Variants in WDR11 observed in about 807,000 individuals in gnomAD.
WDR11 encodes WD repeat-containing protein 11.
Under a neutral mutation model 151.2 loss-of-function variants are expected in WDR11, and 83 were observed. The ratio of observed to expected loss-of-function variants is 0.55; its 90% CI spans 0.46 to 0.66. The LOEUF is 0.66. Among genes scored for constraint, WDR11 ranks in the 30% least tolerant of loss-of-function variants. The probability of loss-of-function intolerance (pLI) is 0.00; values close to 1 mark genes in which losing one functional copy is unlikely to be tolerated. For synonymous variants in WDR11, 484 were observed against 533.1 expected (o/e 0.91, Z 1.27); for missense variants, 1,301 against 1,480.9 (o/e 0.88, Z 1.99).
chr10:120,865,501 T>G (rs1481815413), intron 6 of WDR11, 129 bp from the exon 7 acceptor site: 6 of 724,860 alleles, frequency 8.3e-6, no homozygotes, highest in Non-Finnish European at 1.4e-5. Flanking sequence ...GTACATTTAG[T>G]TTTAAAGTTT....
rs527529584 is a variant in WDR11, at chr10:120,856,603, C to T, written c.199-2040C>T. Among the ~76,000 whole-genome samples, 335 of 150,464 alleles carry T rather than the reference C, an allele frequency of 2.2e-3. 3 individuals are homozygous for T. The highest frequency in any genetic ancestry group is 7.6e-3 in the African/African-American group (312 of 40,992). ...AAAAAAAAAAAAAAAAAAATCCCTC[C>T]ACTATCTTCAAGCTTACATAGTTTC... On this transcript the variant is annotated intron_variant, in intron 2 of 28. Coordinates refer to ENST00000263461, the MANE Select transcript of WDR11 (RefSeq NM_018117.12).
At chr10:120,865,539 C>A in intron 6 of WDR11, 91 bp from the exon 7 acceptor site, 1 of 865,100 alleles carries the variant, frequency 1.2e-6, no homozygotes. Flanking sequence ...TTTTCTTTTG[C>A]CCATATTATC....
chr10:120,867,269 A>G (rs960031410), intron 9 of WDR11, 100 bp downstream of exon 9: 2 of 848,338 alleles, frequency 2.4e-6, no homozygotes, highest in Non-Finnish European at 2.0e-6. Flanking sequence ...CAAAAAAGTT[A>G]ATACTTGAGA....
intron 4 of WDR11, among the ~76,000 whole-genome samples, chr10:120,861,450 C>A (rs1180422202): frequency 6.6e-6 from 1 of 152,022 alleles, no homozygotes; most frequent in African/African-American, 2.4e-5. Context: ...GAGGGCTGGC[C>A]CAGTTGGCAG....
intron 17 of WDR11, chr10:120,889,578 T>C (rs890811708): frequency 1.2e-5 from 5 of 428,478 alleles, no homozygotes; most frequent in Non-Finnish European, 2.2e-5. Context: ...TAGAGGCTTG[T>C]GACTTGGCAA....
Position 120,867,191 on chromosome 10 carries a change from C to T in WDR11, c.1294+22C>T, listed in dbSNP as rs1846345497. ...ATTGGTAAGCTTTTTTCCCCTCTAACTCCATGTTAAGTATTCTTTCTGAAG... is the reference window on the plus strand; with the variant it reads ...ATTGGTAAGCTTTTTTCCCCTCTAATTCCATGTTAAGTATTCTTTCTGAAG... On this transcript the variant is annotated intron_variant, in intron 9 of 28. Coordinates refer to ENST00000263461, the MANE Select transcript of WDR11 (RefSeq NM_018117.12). The T allele has an allele frequency of 3.2e-6, 5 of 1,551,896 alleles. No individual in the cohort carries two copies. The African/African-American group carries it at 4.1e-5, about 13-fold the overall frequency.
chr10:120,901,160 T>C, intron 21 of WDR11, 62 bp downstream of exon 21: 3 of 1,340,684 alleles, frequency 2.2e-6, no homozygotes, highest in Non-Finnish European at 3.2e-6. Flanking sequence ...AATTCAACTT[T>C]AAATGCAATT....
chr10:120,897,309 A>G (rs1433372568), intron 19 of WDR11, among the ~76,000 whole-genome samples: 4 of 152,194 alleles, frequency 2.6e-5, no homozygotes, highest in African/African-American at 9.6e-5. Context: ...GCCCCGATAC[A>G]ATAATTAATT....
At chr10:120,878,816 T>C (rs758939659) in intron 12 of WDR11, among the ~76,000 whole-genome samples, 43 of 152,200 alleles carry the variant, frequency 2.8e-4, no homozygotes, top group Admixed American at 1.4e-3. Context: ...GCTGGAAATT[T>C]TGGCTTTTAT....
At chr10:120,900,898 AT>A (rs1847789365) in intron 20 of WDR11, 137 bp from the exon 21 acceptor site, 4 of 672,658 alleles carry the variant, frequency 5.9e-6, no homozygotes, top group African/African-American at 5.4e-5. Context: ...GATTGTTGTT[AT>A]TTTGGTCTAT....
Position 120,890,902 on chromosome 10 carries a change from T to C in WDR11, c.2515+15T>C. On this transcript the variant is annotated intron_variant, in intron 19 of 28. Coordinates refer to ENST00000263461, the MANE Select transcript of WDR11 (RefSeq NM_018117.12). ...AGAGTTAACCGGTATGGAATCCTAA[T>C]GATAGGGGGCTTTGAAACCTGTCTT... 1 of 1,613,936 alleles carries C rather than the reference T, an allele frequency of 6.2e-7. No individual in the cohort carries two copies. Among genetic ancestry groups the C allele is most frequent in the Non-Finnish European group, 8.5e-7 (1 of 1,179,824 alleles).
intron 16 of WDR11, 116 bp downstream of exon 16, chr10:120,886,952 A>G: frequency 9.2e-7 from 1 of 1,084,906 alleles, no homozygotes; most frequent in Non-Finnish European, 1.4e-6. Context: ...AATAAACTTT[A>G]TTTAAGGAGA....
Position 120,889,083 on chromosome 10 carries a change from T to A in WDR11, c.2127T>A (p.Ser709Arg). The A allele has an allele frequency of 6.2e-7, 1 of 1,609,102 alleles. No individual in the cohort carries two copies. Among genetic ancestry groups the A allele is most frequent in the Non-Finnish European group, 8.5e-7 (1 of 1,175,520 alleles). Residue 709 changes from serine (S) to arginine (R), a missense_variant, in exon 17 of 29, where the codon AGT becomes AGA. Transcript: ENST00000263461. ...TTGTTGCTGTTGTTTTCTAGGGAAGTATGGGTAGTATTACCTGCATCGCTT... is the reference window on the plus strand; with the variant it reads ...TTGTTGCTGTTGTTTTCTAGGGAAGAATGGGTAGTATTACCTGCATCGCTT... ...KDSARIPPDGSMGSITCIAWK... is the reference protein window; with the variant it reads ...KDSARIPPDGRMGSITCIAWK...
chr10:120,902,302 G>C lies in WDR11; in HGVS notation c.2733G>C (p.Gln911His). 1 of 1,614,078 alleles carries C rather than the reference G, an allele frequency of 6.2e-7. No individual in the cohort carries two copies. Among genetic ancestry groups the C allele is most frequent in the African/African-American group, 1.3e-5 (1 of 75,062 alleles). Residue 911 changes from glutamine (Q) to histidine (H), a missense_variant, in exon 22 of 29, where the codon CAG becomes CAC. Physicochemically the swap from Gln to His is conservative, Grantham distance 24 (BLOSUM62 0). Coordinates refer to ENST00000263461, the MANE Select transcript of WDR11 (RefSeq NM_018117.12). The part of the protein sequence containing the change: ...LLLDPEFTLL[Q>H]RCLLVSRLYG... ...TTGATCCAGAATTCACTCTCTTGCA[G>C]AGGTGCCTGCTTGTTTCAAGGTAAT... is the stretch of plus-strand genomic sequence containing the variant.
intron 11 of WDR11, among the ~76,000 whole-genome samples, chr10:120,874,571 G>C (rs1341944126): frequency 6.7e-6 from 1 of 149,884 alleles, no homozygotes; most frequent in South Asian, 2.1e-4. Flanking sequence ...ACATGCCCCC[G>C]CCAACAGGCC....
At chr10:120,892,135 T>C (rs1256483717) in intron 19 of WDR11, among the ~76,000 whole-genome samples, 1 of 152,258 alleles carries the variant, frequency 6.6e-6, no homozygotes, top group Non-Finnish European at 1.5e-5. Context: ...ACTTTTAATA[T>C]AAAATTTGAA....
Position 120,886,774 on chromosome 10 carries a change from C to T in WDR11, c.2059C>T (p.Gln687Ter). 1 of 1,614,012 alleles carries T rather than the reference C, an allele frequency of 6.2e-7. No homozygotes were observed. Among genetic ancestry groups the T allele is most frequent in the Non-Finnish European group, 8.5e-7 (1 of 1,179,962 alleles). ...EHFVFTDIDG[Q>*]VYHLTVEGNS... ...TTTTGTATTTACCGATATTGATGGC[C>T]AAGTGTATCATCTCACTGTTGAAGG... is the stretch of plus-strand genomic sequence containing the variant. The change falls in exon 16 of 29, where the codon CAA (glutamine) becomes TAA (stop). Residue 687 changes from glutamine to a stop codon, truncating the protein, a stop_gained. Coordinates refer to ENST00000263461, the MANE Select transcript of WDR11 (RefSeq NM_018117.12). LOFTEE classifies it high-confidence loss of function.
intron 2 of WDR11, 108 bp from the exon 3 acceptor site, chr10:120,858,535 G>T: frequency 2.3e-6 from 3 of 1,326,248 alleles, no homozygotes; most frequent in Non-Finnish European, 3.2e-6. Flanking sequence ...CTTGCTAAAT[G>T]TTTATGTAAT....
At chr10:120,851,949 C>T in intron 1 of WDR11, 1 of 243,674 alleles carries the variant, frequency 4.1e-6, no homozygotes, top group Non-Finnish European at 8.1e-6. Context: ...TTCACCTGTC[C>T]TTTTCACCTC....
Sources: gnomAD v4.1 joint callset for allele counts (sites outside exome capture counted in the v4.1 genomes callset) on GRCh38, gnomAD v4.1.1 for gene constraint, MANE v1.5 for transcripts, NCBI Gene and HGNC (gene_info 2026-07-23, HGNC 2026-07-21) for gene names.